SLC25A46: variants seen among roughly 807,000 people sequenced by gnomAD.
SLC25A46 encodes the protein mitochondrial outer membrane protein SLC25A46.
In SLC25A46, 39 loss-of-function variants were observed where a neutral mutation model predicts 44.6. That is an observed-to-expected ratio of 0.87 (90% CI 0.68 to 1.14). The LOEUF (loss-of-function observed/expected upper bound fraction) is 1.14. SLC25A46 is among the 50% of genes most tolerant of loss of function. SLC25A46 has a pLI of 0.00. For missense variants in SLC25A46, 547 were observed against 522.7 expected (o/e 1.05, Z -0.45); for synonymous variants, 202 against 185.8 (o/e 1.09, Z -0.71).
chr5:110,750,125 T>G (rs923711953), intron 5 of SLC25A46, among the ~76,000 whole-genome samples: 10 of 151,902 alleles, frequency 6.6e-5, no homozygotes, highest in African/African-American at 2.4e-4. Context: ...TAGTAAGCTT[T>G]TTTCCAATGT....
At chr5:110,754,446 C>G (rs1302448101) in intron 5 of SLC25A46, 4 of 125,850 alleles carry the variant, frequency 3.2e-5, no homozygotes, top group African/African-American at 1.2e-4. Context: ...TTGGACTTTT[C>G]TCTTGATAGA....
chr5:110,743,806 A>G lies in SLC25A46; in HGVS notation c.384+19A>G, dbSNP rs1011262001. ...ATGTCAGGTAAATGTAATTTCTGTGATCTTTTGAAGCAATACTTCTGACCC... is the reference window on the plus strand; with the variant it reads ...ATGTCAGGTAAATGTAATTTCTGTGGTCTTTTGAAGCAATACTTCTGACCC... On this transcript the variant is annotated intron_variant, in intron 3 of 7. Transcript: ENST00000355943. 4 of 1,594,574 alleles carry G rather than the reference A, an allele frequency of 2.5e-6. No individual in the cohort carries two copies. The African/African-American group carries it at 5.4e-5, about 21-fold the overall frequency.
chr5:110,746,504 C>G (rs1179128203), intron 4 of SLC25A46, among the ~76,000 whole-genome samples, 158 bp downstream of exon 4: 1 of 152,176 alleles, frequency 6.6e-6, no homozygotes, highest in African/African-American at 2.4e-5. Context: ...TTGAATCTTT[C>G]AAAATGTAAT....
At position 110,748,011 on chromosome 5, in the gene SLC25A46, A is replaced by G. The variant is rs186229335; in HGVS notation, c.463-152A>G. ...CTTCTTGGCCTAAGTATAACTTTAA[A>G]ATGATATAAAATTAATTGTAGTTCT... On this transcript the variant is annotated intron_variant, in intron 4 of 7. Transcript: ENST00000355943. The G allele has an allele frequency of 1.1e-3, 613 of 562,380 alleles. 1 individual carries two copies. The highest frequency in any genetic ancestry group is 3.1e-3 in the Admixed American group (103 of 32,956). 34.8% of individuals were successfully genotyped at this position (562,380 alleles called of 1,614,324 possible).
chr5:110,743,870 C>G (rs759305763), intron 3 of SLC25A46, 83 bp downstream of exon 3: 231 of 1,050,622 alleles, frequency 2.2e-4, no homozygotes, highest in Non-Finnish European at 2.9e-4. Context: ...GACATGAAAC[C>G]AGGTAATTGT....
intron 4 of SLC25A46, among the ~76,000 whole-genome samples, chr5:110,747,661 C>T (rs1467426503): frequency 6.6e-6 from 1 of 152,026 alleles, no homozygotes. Flanking sequence ...TGGAGAAGAG[C>T]ATGGATTTGT....
rs1237038064 is a variant in SLC25A46, at chr5:110,763,849, T to C, written c.*2067T>C. On this transcript the variant is annotated 3_prime_UTR_variant, in exon 8 of 8. Coordinates refer to ENST00000355943, the MANE Select transcript of SLC25A46 (RefSeq NM_138773.4). ...AACATTAAAATTGAAATGTAGAAAG[T>C]AAAATATGAATAATTTTTTACAACC... 1.3e-5 allele frequency: 2 copies of C among 151,836 alleles called. No individual in the cohort carries two copies. The highest frequency in any genetic ancestry group is 4.8e-5 in the African/African-American group (2 of 41,408). 9.4% of individuals were successfully genotyped at this position (151,836 alleles called of 1,614,324 possible).
At chr5:110,741,940 A>T in intron 1 of SLC25A46, 107 bp from the exon 2 acceptor site, 1 of 718,936 alleles carries the variant, frequency 1.4e-6, no homozygotes, top group South Asian at 1.8e-5. Flanking sequence ...AATGAACAGC[A>T]GGTTAATAAA....
In SLC25A46 at chr5:110,762,182, C is replaced by A. The variant is rs984254377; in HGVS notation, c.*400C>A. 2.8e-5 allele frequency: 5 copies of A among 179,156 alleles called. No homozygotes were observed. Among genetic ancestry groups the A allele is most frequent in the African/African-American group, 1.2e-4 (5 of 41,580 alleles). 11.1% of individuals were successfully genotyped at this position (179,156 alleles called of 1,614,324 possible). A position where few individuals can be genotyped will look rare whatever the true frequency, so the allele number is the denominator to read the frequency against. ...TGATGTTGGTATAGTATCCTTAATA[C>A]AGTGTAGTATATTAATGTCCTTAAT... is the stretch of plus-strand genomic sequence containing the variant. On this transcript the variant is annotated 3_prime_UTR_variant, in exon 8 of 8. Coordinates refer to ENST00000355943, the MANE Select transcript of SLC25A46 (RefSeq NM_138773.4).
chr5:110,748,411 A>G (rs1396803542), intron 5 of SLC25A46, 148 bp downstream of exon 5: 6 of 626,164 alleles, frequency 9.6e-6, no homozygotes, highest in African/African-American at 5.4e-5. Flanking sequence ...ACAATTCTCA[A>G]TTGTGTAAAC....
rs779892216 is a variant in SLC25A46 at position 110,748,281 on chromosome 5, T to C, written c.563+18T>C. ...TTGCCAAGGTACCATTTTTAGCATT[T>C]CTTCAGTATTAGTTTCATGTGGTGA... On this transcript the variant is annotated intron_variant, in intron 5 of 7. Coordinates refer to ENST00000355943, the MANE Select transcript of SLC25A46 (RefSeq NM_138773.4). 1 of 1,594,726 alleles carries C rather than the reference T, an allele frequency of 6.3e-7. No individual in the cohort carries two copies. Among genetic ancestry groups the C allele is most frequent in the Admixed American group, 1.7e-5 (1 of 59,962 alleles).
At chr5:110,760,845 A>G (rs958886592) in intron 7 of SLC25A46, among the ~76,000 whole-genome samples, 3 of 152,166 alleles carry the variant, frequency 2.0e-5, no homozygotes, top group Admixed American at 6.6e-5. Context: ...GCCAGTAAGT[A>G]ATGGAGCCAG....
At chr5:110,748,354 A>G (rs567931199) in intron 5 of SLC25A46, 91 bp downstream of exon 5, 2 of 946,470 alleles carry the variant, frequency 2.1e-6, no homozygotes, top group Non-Finnish European at 3.4e-6. Flanking sequence ...TTACATGGGT[A>G]TATTGTGTGA....
chr5:110,746,152 T>C (rs1278898326), intron 3 of SLC25A46, 117 bp from the exon 4 acceptor site: 19 of 807,864 alleles, frequency 2.4e-5, no homozygotes, highest in East Asian at 8.1e-5. Context: ...GTGTAATTTA[T>C]GTTGACTTTG....
At chr5:110,742,130 G>C (rs770050421) in intron 2 of SLC25A46, 41 bp downstream of exon 2, 1 of 1,378,626 alleles carries the variant, frequency 7.3e-7, no homozygotes, top group African/African-American at 1.5e-5. Flanking sequence ...TTTATTTATT[G>C]AATTTAGAGT....
intron 6 of SLC25A46, among the ~76,000 whole-genome samples, 179 bp downstream of exon 6, chr5:110,755,700 ATAT>A (rs1259349008): frequency 6.6e-6 from 1 of 152,138 alleles, no homozygotes; most frequent in African/African-American, 2.4e-5. Flanking sequence ...CCTGAAATAT[ATAT>A]TATCTTTAAA....
chr5:110,742,890 A>G (rs562940618), intron 2 of SLC25A46, among the ~76,000 whole-genome samples: 151 of 152,202 alleles, frequency 9.9e-4, no homozygotes, highest in African/African-American at 3.5e-3. Context: ...TTTCAAAAAT[A>G]TTGGAATTGC....
chr5:110,739,994 C>A (rs554861346), intron 1 of SLC25A46, among the ~76,000 whole-genome samples: 36 of 152,148 alleles, frequency 2.4e-4, no homozygotes, highest in Non-Finnish European at 4.9e-4. Context: ...CTTTTCAGAT[C>A]CCCAGTCTAG....
chr5:110,748,869 C>T lies in SLC25A46; in HGVS notation c.563+606C>T, dbSNP rs190629036. On this transcript the variant is annotated intron_variant, in intron 5 of 7. Coordinates refer to ENST00000355943, the MANE Select transcript of SLC25A46 (RefSeq NM_138773.4). Reference sequence around the variant, plus strand: ...GAAGCTGAGGTGCTACATTAAAATACGATTGTGCCTTTTTAAGTTTATTCT... The same window carrying T: ...GAAGCTGAGGTGCTACATTAAAATATGATTGTGCCTTTTTAAGTTTATTCT... 2.8e-3 allele frequency among the ~76,000 whole-genome samples: 429 copies of T among 152,092 alleles called. 6 individuals carry two copies. Among genetic ancestry groups the T allele is most frequent in the Non-Finnish European group, 2.9e-3 (196 of 67,966 alleles).
Sources: allele counts gnomAD v4.1 joint callset (sites outside exome capture counted in the v4.1 genomes callset), GRCh38; gene constraint gnomAD v4.1.1; transcripts MANE v1.5; gene names NCBI Gene and HGNC (gene_info 2026-07-23, HGNC 2026-07-21).